The following FNIP2 variants were observed in gnomAD, a reference collection of about 807,000 sequenced individuals.
FNIP2 encodes the protein folliculin-interacting protein 2.
FNIP2 carries 32 observed loss-of-function variants against 108.7 expected under a neutral mutation model. The ratio of observed to expected loss-of-function variants is 0.29; its 90% CI spans 0.22 to 0.40. FNIP2 has a LOEUF of 0.40. FNIP2 is among the 10% of genes least tolerant of loss of function. FNIP2 has a pLI of 1.00. For missense variants in FNIP2, 1,202 were observed against 1,381.6 expected (o/e 0.87, Z 2.06); for synonymous variants, 480 against 496.7 (o/e 0.97, Z 0.45).
intron 1 of FNIP2, among the ~76,000 whole-genome samples, chr4:158,824,140 C>G (rs1778030135): frequency 6.6e-6 from 1 of 152,180 alleles, no homozygotes; most frequent in Non-Finnish European, 1.5e-5. Context: ...TATTAATTTT[C>G]TTTAAAAATC....
intron 14 of FNIP2, among the ~76,000 whole-genome samples, chr4:158,875,098 A>G (rs946931233): frequency 3.3e-5 from 5 of 152,010 alleles, no homozygotes; most frequent in South Asian, 2.1e-4. Context: ...AAAAAAAAAA[A>G]AAAGAAAAGA....
rs769584629 is a variant in FNIP2 at position 158,868,611 on chromosome 4, C to G, written c.1975C>G (p.Gln659Glu). 1.9e-6 allele frequency: 3 copies of G among 1,613,874 alleles called. No individual in the cohort carries two copies. The highest frequency in any genetic ancestry group is 1.1e-5 in the South Asian group (1 of 91,062). The change falls in exon 13 of 17, where the codon CAA becomes GAA. Residue 659 changes from glutamine to glutamate, a missense_variant. Transcript: ENST00000264433. This position sits in a 1 kb window ranked among gnomAD's most constrained non-coding sequence, Gnocchi z 4.6. ...CGDEKNKEAP[Q>E]DGSSRLPSCE... ...GGATGAGAAAAATAAAGAGGCACCG[C>G]AAGATGGCTCTTCAAGACTTCCCAG... is the stretch of plus-strand genomic sequence containing the variant.
chr4:158,782,617 A>G (rs543865426), intron 1 of FNIP2, among the ~76,000 whole-genome samples: 3 of 151,858 alleles, frequency 2.0e-5, no homozygotes, highest in Non-Finnish European at 4.4e-5. Flanking sequence ...TATGGCAGCT[A>G]ATCCTAAAAT....
rs1055568624 is a variant in FNIP2, at chr4:158,905,917, T to C, written c.*1373T>C. ...GATTCCCTTCCACTGTTTTATGAAT[T>C]AATTCCAGTTCTTTTCATGTATCTT... On this transcript the variant is annotated 3_prime_UTR_variant, in exon 17 of 17. Coordinates refer to ENST00000264433, the MANE Select transcript of FNIP2 (RefSeq NM_020840.3). 1 of 152,210 alleles carries C rather than the reference T, an allele frequency of 6.6e-6. No homozygotes were observed. The highest frequency in any genetic ancestry group is 2.4e-5 in the African/African-American group (1 of 41,440). 9.4% of individuals were successfully genotyped at this position (152,210 alleles called of 1,614,324 possible).
chr4:158,790,808 A>C (rs1240560163), intron 1 of FNIP2, among the ~76,000 whole-genome samples: 5 of 152,184 alleles, frequency 3.3e-5, no homozygotes, highest in East Asian at 3.8e-4. Context: ...AGATGACTTA[A>C]GTGTCTAAGC....
At chr4:158,840,977 T>C (rs1236887584) in intron 7 of FNIP2, among the ~76,000 whole-genome samples, 1 of 152,262 alleles carries the variant, frequency 6.6e-6, no homozygotes, top group African/African-American at 2.4e-5. Context: ...AAATGAACTT[T>C]CAGGGTAAGA....
At chr4:158,779,407 G>A (rs559374560) in intron 1 of FNIP2, among the ~76,000 whole-genome samples, 47 of 152,092 alleles carry the variant, frequency 3.1e-4, no homozygotes, top group Non-Finnish European at 4.6e-4. Context: ...AAATGTTTAT[G>A]TTAAATGAAA....
intron 15 of FNIP2, chr4:158,893,468 A>C: frequency 2.1e-6 from 1 of 482,570 alleles, no homozygotes; most frequent in Non-Finnish European, 3.8e-6. Flanking sequence ...AGCTACTATT[A>C]GTATGATAGT....
chr4:158,872,605 A>C (rs1426705847), intron 14 of FNIP2: 2 of 985,160 alleles, frequency 2.0e-6, no homozygotes, highest in African/African-American at 3.5e-5. Flanking sequence ...TATCTTCAGA[A>C]GTTTAATACA....
rs1238209101 is a variant in FNIP2 at position 158,825,930 on chromosome 4, A to G, written c.122A>G (p.Glu41Gly). Residue 41 changes from glutamate (E) to glycine (G), a missense_variant, in exon 2 of 17, where the codon GAG (glutamate) becomes GGG (glycine). Physicochemically the swap from Glu to Gly is moderately conservative, Grantham distance 98. Around this residue, in one of 5 missense-constraint regions of FNIP2, gnomAD observed 173 missense variants for 165.9 expected, o/e 1.04. Transcript: ENST00000264433. ...TTAATCCACAGTTGGTCATGTTCGG[A>G]GTTTGACCTGAATGAGATTCGCCTG... ...EGPAFSWSCSEFDLNEIRLIV... is the reference protein window; with the variant it reads ...EGPAFSWSCSGFDLNEIRLIV... 6.2e-6 allele frequency: 10 copies of G among 1,607,150 alleles called. No individual in the cohort carries two copies. The highest frequency in any genetic ancestry group is 8.5e-6 in the Non-Finnish European group (10 of 1,174,552).
At chr4:158,862,282 G>A (rs1780339979) in intron 12 of FNIP2, among the ~76,000 whole-genome samples, 2 of 152,012 alleles carry the variant, frequency 1.3e-5, no homozygotes, top group African/African-American at 4.8e-5. Flanking sequence ...AATAATGAAA[G>A]CTGACACTGT....
chr4:158,856,105 G>A (rs974150678), intron 8 of FNIP2, among the ~76,000 whole-genome samples: 2 of 152,136 alleles, frequency 1.3e-5, no homozygotes, highest in African/African-American at 4.8e-5. Context: ...AATGGGGCTT[G>A]GGCATCTAAC....
chr4:158,902,264 T>G (rs1229925438), intron 16 of FNIP2, among the ~76,000 whole-genome samples: 5 of 152,056 alleles, frequency 3.3e-5, no homozygotes, highest in Admixed American at 2.0e-4. Flanking sequence ...TCTGCTGTGG[T>G]TTGTTGGAGG....
At chr4:158,871,406 A>T in intron 14 of FNIP2, 2 of 795,206 alleles carry the variant, frequency 2.5e-6, no homozygotes, top group Non-Finnish European at 3.0e-6. Context: ...GCCAACAAGT[A>T]TTTTTTTTTT....
intron 1 of FNIP2, among the ~76,000 whole-genome samples, chr4:158,771,832 C>T (rs963066149): frequency 6.6e-6 from 1 of 152,152 alleles, no homozygotes; most frequent in East Asian, 1.9e-4. Context: ...AACTTCTCTT[C>T]TCAGAATTGT....
At chr4:158,875,697 G>T (rs1175418826) in intron 14 of FNIP2, among the ~76,000 whole-genome samples, 1 of 151,780 alleles carries the variant, frequency 6.6e-6, no homozygotes, top group Non-Finnish European at 1.5e-5. Context: ...AGGATACAAA[G>T]AAAACATCTA....
At chr4:158,831,259 A>G (rs925472658) in intron 3 of FNIP2, among the ~76,000 whole-genome samples, 28 of 152,338 alleles carry the variant, frequency 1.8e-4, no homozygotes, top group African/African-American at 5.8e-4. Context: ...CAAGCCAGTG[A>G]GAGTAGAGGA....
intron 2 of FNIP2, among the ~76,000 whole-genome samples, chr4:158,828,308 G>A (rs1023248981): frequency 6.6e-6 from 1 of 152,150 alleles, no homozygotes; most frequent in Non-Finnish European, 1.5e-5. Context: ...GAGTAGTAGA[G>A]GAGGTGTGTC....
chr4:158,772,763 A>C (rs1578808126), intron 1 of FNIP2, among the ~76,000 whole-genome samples: 1 of 152,214 alleles, frequency 6.6e-6, no homozygotes, highest in Non-Finnish European at 1.5e-5. Context: ...TTGGCGCTCT[A>C]CCTGTATAAA....
Sources: gnomAD v4.1 joint callset for allele counts (sites outside exome capture counted in the v4.1 genomes callset) on GRCh38, gnomAD v4.1.1 for gene constraint, gnomAD v4.1.1 regional missense constraint, Gnocchi (gnomAD v3.1) non-coding constraint, MANE v1.5 for transcripts, NCBI Gene and HGNC (gene_info 2026-07-23, HGNC 2026-07-21) for gene names.